The following NCR1 variants were observed in gnomAD, a reference collection of about 807,000 sequenced individuals.
NCR1 encodes the protein natural cytotoxicity triggering receptor 1, also known as NK cell-activating receptor.
Under a neutral mutation model 32.5 loss-of-function variants are expected in NCR1, and 30 were observed. The ratio of observed to expected loss-of-function variants is 0.92; its 90% CI spans 0.69 to 1.25. The LOEUF is 1.25. Ranked by LOEUF, NCR1 falls within the 50% of genes most tolerant of loss-of-function variation. The probability of loss-of-function intolerance (pLI) is 0.00; values close to 1 mark genes in which losing one functional copy is unlikely to be tolerated. For synonymous variants in NCR1, 169 were observed against 143.4 expected (o/e 1.18, Z -1.28); for missense variants, 369 against 380.7 (o/e 0.97, Z 0.26).
chr19:54,934,645 C>A, the NCR1 span: 1 of 1,613,386 alleles, frequency 6.2e-7, no homozygotes, highest in Non-Finnish European at 8.5e-7. This position sits in a 1 kb window ranked among gnomAD's most constrained non-coding sequence, Gnocchi z 6.7. Flanking sequence ...CGGGGTGGCA[C>A]AGTGACCTCC....
chr19:54,934,669 G>A, the NCR1 span: 5 of 1,610,656 alleles, frequency 3.1e-6, no homozygotes, highest in Admixed American at 3.4e-5. This position sits in a 1 kb window ranked among gnomAD's most constrained non-coding sequence, Gnocchi z 6.7. Flanking sequence ...CCTGTGAAAA[G>A]AGTGGGAAAA....
At chr19:54,922,778 C>CAAAAAAAAAA in the NCR1 span, among the ~76,000 whole-genome samples, 1 of 39,444 alleles carries the variant, frequency 2.5e-5, no homozygotes, top group Admixed American at 3.5e-4. Context: ...AACTCCGTCT[C>CAAAAAAAAAA]AAAAAAAAAA....
At chr19:54,922,909 C>CACAGAG in the NCR1 span, among the ~76,000 whole-genome samples, 2 of 150,490 alleles carry the variant, frequency 1.3e-5, no homozygotes, top group Admixed American at 6.6e-5. Context: ...CAGAAACAGA[C>CACAGAG]ACAGAGACAG....
At chr19:54,916,868 A>G (rs1463454299), downstream of NCR1, among the ~76,000 whole-genome samples, 1 of 151,080 alleles carries the variant, frequency 6.6e-6, no homozygotes, top group African/African-American at 2.4e-5. Flanking sequence ...CCCAGCCAGA[A>G]GACCCACGCT....
upstream of NCR1, among the ~76,000 whole-genome samples, chr19:54,903,723 T>A (rs1396694726): frequency 6.6e-6 from 1 of 150,900 alleles, no homozygotes; most frequent in Non-Finnish European, 1.5e-5. Flanking sequence ...TATGTATATA[T>A]GTGTGTATAT....
downstream of NCR1, among the ~76,000 whole-genome samples, chr19:54,918,179 G>A (rs1047118428): frequency 2.0e-5 from 3 of 151,942 alleles, no homozygotes; most frequent in Non-Finnish European, 2.9e-5. Flanking sequence ...TGATCCTCCC[G>A]CCTCGGCCTC....
chr19:54,921,791 A>G, the NCR1 span, among the ~76,000 whole-genome samples: 13,463 of 144,176 alleles, frequency 0.093, 941 homozygotes, highest in East Asian at 0.32. Flanking sequence ...AAAAAAAAAA[A>G]AAAAGAAAAG....
At chr19:54,927,847 T>A in the NCR1 span, 2 of 1,385,966 alleles carry the variant, frequency 1.4e-6, no homozygotes, top group South Asian at 2.3e-5. Flanking sequence ...ATCCCAACAC[T>A]TCGGGAGGCC....
the NCR1 span, among the ~76,000 whole-genome samples, chr19:54,929,289 T>C: frequency 3.3e-5 from 5 of 152,018 alleles, no homozygotes; most frequent in African/African-American, 9.7e-5. Flanking sequence ...CGCTTGAACC[T>C]TGGAGGCTGA....
At chr19:54,930,115 CAAAAAAAAA>C in the NCR1 span, among the ~76,000 whole-genome samples, 163 of 100,546 alleles carry the variant, frequency 1.6e-3, 1 homozygote, top group South Asian at 6.8e-3. Flanking sequence ...GGCTCCGTCT[CAAAAAAAAA>C]AAAAAAAAAA....
the NCR1 span, among the ~76,000 whole-genome samples, chr19:54,925,256 C>T: frequency 1.3e-5 from 2 of 152,114 alleles, no homozygotes; most frequent in East Asian, 3.9e-4. Context: ...ACCAATAGTC[C>T]TTGGTGGCAT....
At chr19:54,919,816 G>A (rs939495889), downstream of NCR1, among the ~76,000 whole-genome samples, 1 of 151,790 alleles carries the variant, frequency 6.6e-6, no homozygotes, top group African/African-American at 2.4e-5. Context: ...TTGGTGACGG[G>A]TGTCTTCCCA....
chr19:54,932,477 C>T, the NCR1 span, among the ~76,000 whole-genome samples: 1 of 151,204 alleles, frequency 6.6e-6, no homozygotes, highest in Non-Finnish European at 1.5e-5. Context: ...AATTTCTGAA[C>T]AGGAACAGGT....
intron 3 of NCR1, among the ~76,000 whole-genome samples, chr19:54,909,000 T>TA (rs57278586): frequency 0.031 from 4,236 of 138,542 alleles, 192 homozygotes; most frequent in African/African-American, 0.1. Flanking sequence ...AAATAATAAT[T>TA]AAAAAAAAAA....
the NCR1 span, among the ~76,000 whole-genome samples, chr19:54,921,707 G>T: frequency 6.7e-6 from 1 of 148,656 alleles, no homozygotes; most frequent in Admixed American, 6.9e-5. Context: ...AGGAGGCAGA[G>T]GTTGTAGTGA....
At position 54,911,364 on chromosome 19, in the gene NCR1, G is replaced by C. The variant is rs1290682474; in HGVS notation, c.683-804G>C. Among the ~76,000 whole-genome samples, 9 of 145,492 alleles carry C rather than the reference G, an allele frequency of 6.2e-5. No individual in the cohort carries two copies. The South Asian group carries it at 1.3e-3, about 21-fold the overall frequency. On this transcript the variant is annotated intron_variant, in intron 5 of 6. Coordinates refer to ENST00000291890, the MANE Select transcript of NCR1 (RefSeq NM_004829.7). ...ACTCCGTCTCAAAAAAAAAGAAAAAGAAAAAGAAAAAGAAAAAAAAATAGT... is the reference window on the plus strand; with the variant it reads ...ACTCCGTCTCAAAAAAAAAGAAAAACAAAAAGAAAAAGAAAAAAAAATAGT...
the NCR1 span, among the ~76,000 whole-genome samples, chr19:54,899,028 G>T: frequency 2.0e-5 from 3 of 152,128 alleles, no homozygotes; most frequent in African/African-American, 7.2e-5. Flanking sequence ...AAGACTCAGC[G>T]ATGCTTGGGG....
intron 5 of NCR1, among the ~76,000 whole-genome samples, chr19:54,911,463 G>C (rs1038932592): frequency 2.0e-5 from 3 of 152,038 alleles, no homozygotes; most frequent in African/African-American, 7.2e-5. Context: ...GGCTTAAATA[G>C]AAGACGGGCT....
At chr19:54,918,031 A>G (rs2073569001), downstream of NCR1, among the ~76,000 whole-genome samples, 2 of 151,968 alleles carry the variant, frequency 1.3e-5, no homozygotes, top group Admixed American at 1.3e-4. Context: ...ATCTCTGCTC[A>G]CTGCAAGCTC....
Sources: gnomAD v4.1 joint callset for allele counts (sites outside exome capture counted in the v4.1 genomes callset) on GRCh38, gnomAD v4.1.1 for gene constraint, Gnocchi (gnomAD v3.1) non-coding constraint, MANE v1.5 for transcripts, NCBI Gene and HGNC (gene_info 2026-07-23, HGNC 2026-07-21) for gene names.